The following CNTNAP5 variants were observed in gnomAD, a reference collection of about 807,000 sequenced individuals.
CNTNAP5 encodes contactin-associated protein-like 5.
Under a neutral mutation model 150.2 loss-of-function variants are expected in CNTNAP5, and 72 were observed. The ratio of observed to expected loss-of-function variants is 0.48; its 90% CI spans 0.40 to 0.58. The LOEUF is 0.58. CNTNAP5 is among the 20% of genes least tolerant of loss of function. The pLI, the probability that CNTNAP5 is intolerant of heterozygous loss-of-function variation, is 0.00. For missense variants in CNTNAP5, 1,636 were observed against 1,626.2 expected, an observed-to-expected ratio of 1.01 and a Z score of -0.10; for synonymous variants, 672 against 619.8, an observed-to-expected ratio of 1.08 and a Z score of -1.25.
chr2:124,510,287 A>ATATATC (rs1553474647), intron 8 of CNTNAP5, among the ~76,000 whole-genome samples: 972 of 20,064 alleles, frequency 0.048, 53 homozygotes, highest in South Asian at 0.35. Flanking sequence ...ATCTATATCT[A>ATATATC]TATATCTATA....
At chr2:124,464,609 G>T (rs972583049) in intron 6 of CNTNAP5, among the ~76,000 whole-genome samples, 2 of 152,136 alleles carry the variant, frequency 1.3e-5, no homozygotes, top group Admixed American at 6.6e-5. Context: ...GTTACAAAAC[G>T]ATGACCCTGG....
In CNTNAP5 at chr2:124,290,390, G is replaced by T. The variant is rs959792001; in HGVS notation, c.381+47997G>T. ...AATTCATCCACATCTTGACTGCAACGCTGTTGTAAAAGATCCTCTACCTAC... is the reference window on the plus strand; with the variant it reads ...AATTCATCCACATCTTGACTGCAACTCTGTTGTAAAAGATCCTCTACCTAC... On this transcript the variant is annotated intron_variant, in intron 3 of 23. Transcript: ENST00000682447. Among the ~76,000 whole-genome samples the T allele has an allele frequency of 1.3e-5, 2 of 152,112 alleles. 1 individual carries two copies. The highest frequency in any genetic ancestry group is 1.3e-4 in the Admixed American group (2 of 15,252).
At chr2:124,346,649 A>G (rs984657155) in intron 3 of CNTNAP5, among the ~76,000 whole-genome samples, 2 of 152,198 alleles carry the variant, frequency 1.3e-5, no homozygotes, top group Non-Finnish European at 2.9e-5. Context: ...ATGGAGAGCT[A>G]GGGGAAAAGA....
chr2:124,417,415 C>G (rs1181513044), intron 3 of CNTNAP5, 28 bp from the exon 4 acceptor site: 1 of 1,607,260 alleles, frequency 6.2e-7, no homozygotes, highest in South Asian at 1.1e-5. Context: ...TAGCACAGAC[C>G]TCACTGCCTC....
chr2:124,540,981 G>A (rs1695368073), intron 10 of CNTNAP5, among the ~76,000 whole-genome samples: 1 of 151,996 alleles, frequency 6.6e-6, no homozygotes, highest in South Asian at 2.1e-4. Context: ...TGTGGACATT[G>A]TTATCTTCAG....
chr2:124,815,665 T>C (rs1240811676), intron 19 of CNTNAP5, among the ~76,000 whole-genome samples: 1 of 152,164 alleles, frequency 6.6e-6, no homozygotes, highest in African/African-American at 2.4e-5. Context: ...CTATGGGAAA[T>C]ACATGCTGAA....
chr2:124,839,328 C>T (rs1682894620), intron 19 of CNTNAP5, among the ~76,000 whole-genome samples: 1 of 151,968 alleles, frequency 6.6e-6, no homozygotes, highest in Admixed American at 6.6e-5. Flanking sequence ...GGGTCCAGAT[C>T]ACTCTTGGAC....
intron 3 of CNTNAP5, among the ~76,000 whole-genome samples, chr2:124,299,983 A>G (rs537766385): frequency 7.9e-5 from 12 of 152,346 alleles, no homozygotes; most frequent in African/African-American, 2.6e-4. Context: ...GATGGCTCCA[A>G]TCTCAATTCA....
intron 13 of CNTNAP5, among the ~76,000 whole-genome samples, chr2:124,668,201 C>T (rs1343630211): frequency 1.3e-5 from 2 of 152,196 alleles, no homozygotes; most frequent in African/African-American, 4.8e-5. Flanking sequence ...TCTGTTAAAG[C>T]ATGCTGTAGT....
intron 18 of CNTNAP5, among the ~76,000 whole-genome samples, chr2:124,794,706 C>T (rs912159136): frequency 1.3e-5 from 2 of 152,028 alleles, no homozygotes; most frequent in African/African-American, 2.4e-5. Context: ...TTAAGAACTC[C>T]CATTCACCGG....
intron 13 of CNTNAP5, among the ~76,000 whole-genome samples, chr2:124,739,309 T>A (rs188816776): frequency 6.6e-6 from 1 of 152,284 alleles, no homozygotes; most frequent in East Asian, 1.9e-4. Context: ...AAGACGAAGA[T>A]TGACTTTGAT....
intron 1 of CNTNAP5, among the ~76,000 whole-genome samples, chr2:124,151,420 G>A (rs1477546089): frequency 6.6e-6 from 1 of 152,128 alleles, no homozygotes; most frequent in African/African-American, 2.4e-5. Flanking sequence ...AAGTGCTGCT[G>A]ACTTTGTCAA....
Position 124,914,063 on chromosome 2 carries a change from TTC to T in CNTNAP5, c.3728-23_3728-22del, listed in dbSNP as rs773515434. ...GAGCAGATGACTCATGACGATTTCC[TTC>T]TCTCTTTCCTTCCCCTTTCTCTCCA... On this transcript the variant is annotated intron_variant, in intron 23 of 23. Transcript: ENST00000682447. 24 of 1,561,994 alleles carry T rather than the reference TTC, an allele frequency of 1.5e-5. No individual in the cohort carries two copies. The South Asian group carries it at 2.7e-4, about 18-fold the overall frequency.
chr2:124,305,968 T>C (rs1051893571), intron 3 of CNTNAP5, among the ~76,000 whole-genome samples: 8 of 152,228 alleles, frequency 5.3e-5, no homozygotes, highest in African/African-American at 1.7e-4. Flanking sequence ...TTCTCAAATA[T>C]TGTTTTTAAT....
chr2:124,713,277 CTTT>C (rs1558746735), intron 13 of CNTNAP5, among the ~76,000 whole-genome samples: 29 of 106,264 alleles, frequency 2.7e-4, no homozygotes, highest in Admixed American at 5.0e-4. Context: ...TTCTTTCTTT[CTTT>C]CTTTCTTTCT....
At chr2:124,461,944 G>A (rs1000126045) in intron 6 of CNTNAP5, among the ~76,000 whole-genome samples, 12 of 150,394 alleles carry the variant, frequency 8.0e-5, no homozygotes, top group Non-Finnish European at 1.6e-4. Context: ...ATTTGTCTCA[G>A]GTCAGGAAAT....
intron 1 of CNTNAP5, among the ~76,000 whole-genome samples, chr2:124,063,574 A>G (rs532156345): frequency 2.0e-5 from 3 of 152,174 alleles, no homozygotes; most frequent in African/African-American, 7.2e-5. Flanking sequence ...AAGTACTTAA[A>G]CTCTGTTTAA....
intron 1 of CNTNAP5, among the ~76,000 whole-genome samples, chr2:124,078,002 A>G (rs1410853568): frequency 6.6e-6 from 1 of 152,210 alleles, no homozygotes; most frequent in Non-Finnish European, 1.5e-5. Flanking sequence ...ATGAAGTCAA[A>G]TGTGTTATTT....
chr2:124,870,090 T>C (rs139879089), intron 21 of CNTNAP5, among the ~76,000 whole-genome samples: 8 of 152,214 alleles, frequency 5.3e-5, no homozygotes, highest in African/African-American at 1.9e-4. Flanking sequence ...CATTAAGGAT[T>C]TGAGCAACTC....
Sources: allele counts gnomAD v4.1 joint callset (sites outside exome capture counted in the v4.1 genomes callset), GRCh38; gene constraint gnomAD v4.1.1; transcripts MANE v1.5; gene names NCBI Gene and HGNC (gene_info 2026-07-23, HGNC 2026-07-21).